CUBN: variants seen among roughly 807,000 people sequenced by gnomAD.
CUBN encodes the protein cubilin.
A neutral mutation model predicts 405.3 loss-of-function variants in CUBN; 282 were observed. That is an observed-to-expected ratio of 0.70 (90% confidence interval 0.63 to 0.77). The LOEUF (loss-of-function observed/expected upper bound fraction) is 0.77. Ranked by LOEUF, CUBN falls within the 30% of genes least tolerant of loss-of-function variation. The pLI is 0.00. For synonymous variants in CUBN, 1,684 were observed against 1,617.0 expected, an observed-to-expected ratio of 1.04 and a Z score of -0.99; for missense variants, 4,514 against 4,475.2, an observed-to-expected ratio of 1.01 and a Z score of -0.25.
intron 59 of CUBN, among the ~76,000 whole-genome samples, chr10:16,866,542 C>A (rs1225633129): frequency 2.0e-5 from 3 of 152,196 alleles, no homozygotes; most frequent in Non-Finnish European, 1.5e-5. Flanking sequence ...ATCCACAGAA[C>A]CAACAGCTTT....
chr10:16,893,745 C>T (rs1588626540), intron 54 of CUBN, among the ~76,000 whole-genome samples: 1 of 152,232 alleles, frequency 6.6e-6, no homozygotes, highest in East Asian at 1.9e-4. Context: ...GCAAGTACCA[C>T]AATTTGTTTA....
chr10:17,029,622 G>T (rs1225812900), intron 27 of CUBN, among the ~76,000 whole-genome samples: 1 of 152,180 alleles, frequency 6.6e-6, no homozygotes, highest in African/African-American at 2.4e-5. Flanking sequence ...ACTTAGAATT[G>T]TAATAGCTTA....
At chr10:16,935,587 C>T (rs546587020) in intron 39 of CUBN, among the ~76,000 whole-genome samples, 21 of 152,046 alleles carry the variant, frequency 1.4e-4, no homozygotes, top group Non-Finnish European at 1.0e-4. Flanking sequence ...ATAAGAAATG[C>T]TGATAGGACA....
chr10:16,946,856 A>C (rs534332415), intron 36 of CUBN, among the ~76,000 whole-genome samples: 2 of 152,274 alleles, frequency 1.3e-5, no homozygotes, highest in East Asian at 1.9e-4. Flanking sequence ...ATAAGATAAA[A>C]GCGTAAAGAA....
rs771627007 is a variant in CUBN at position 17,085,611 on chromosome 10, T to C, written c.2096A>G (p.Tyr699Cys). The C allele has an allele frequency of 2.9e-5, 47 of 1,614,062 alleles. No individual in the cohort carries two copies. Among genetic ancestry groups the C allele is most frequent in the Non-Finnish European group, 3.9e-5 (46 of 1,179,968 alleles). ...QISDQGFHIT[Y>C]LTSPSDLRCG... Reference sequence around the variant, plus strand: ...AGGTTACTTACAAGGTGATGTTAAGTAGGTGATATGGAAGCCTTGGTCACT... The same window carrying C: ...AGGTTACTTACAAGGTGATGTTAAGCAGGTGATATGGAAGCCTTGGTCACT... The change falls in exon 16 of 67, where the codon TAC (tyrosine) becomes TGC (cysteine). Residue 699 changes from tyrosine (Y) to cysteine (C), a missense_variant. Physicochemically the swap from Tyr to Cys is radical, Grantham distance 194 (BLOSUM62 -2). This residue lies in a region of CUBN where 1,448 missense variants were observed against 1,388.0 expected (regional missense o/e 1.04). Coordinates refer to ENST00000377833, the MANE Select transcript of CUBN (RefSeq NM_001081.4).
Position 17,071,923 on chromosome 10 carries a change from T to C in CUBN, c.2350A>G (p.Ile784Val), listed in dbSNP as rs906586096. The C allele has an allele frequency of 6.2e-7, 1 of 1,613,270 alleles. No homozygotes were observed. The highest frequency in any genetic ancestry group is 8.5e-7 in the Non-Finnish European group (1 of 1,179,654). Residue 784 changes from isoleucine (I) to valine (V), a missense_variant, in exon 18 of 67, where the codon ATC becomes GTC. Physicochemically the swap from Ile to Val is conservative, Grantham distance 29 (BLOSUM62 3). This residue lies in a region of CUBN where 1,448 missense variants were observed against 1,388.0 expected (regional missense o/e 1.04). Coordinates refer to ENST00000377833, the MANE Select transcript of CUBN (RefSeq NM_001081.4). ...LLGKVCGNGT[I>V]SHIKSITNSV... ...TTAGTAATGGATTTAATGTGAGAGA[T>C]GGTTCCGTTGCCACAGACTTTTCCA...
chr10:16,857,986 C>T (rs758819375), intron 59 of CUBN, among the ~76,000 whole-genome samples: 1 of 152,010 alleles, frequency 6.6e-6, no homozygotes, highest in Non-Finnish European at 1.5e-5. Flanking sequence ...GAACAATACA[C>T]AAAAATCAAT....
intron 5 of CUBN, chr10:17,123,350 C>T: frequency 1.7e-6 from 1 of 579,572 alleles, no homozygotes; most frequent in Non-Finnish European, 3.1e-6. Flanking sequence ...ATATTGTGTT[C>T]TTCCAGGCAG....
chr10:17,105,750 TTTC>T (rs1390906697), intron 10 of CUBN, among the ~76,000 whole-genome samples, 175 bp from the exon 11 acceptor site: 2 of 152,226 alleles, frequency 1.3e-5, no homozygotes, highest in African/African-American at 2.4e-5. Flanking sequence ...TATTTTTGTA[TTTC>T]TTATCTTAAA....
At chr10:16,970,117 T>C (rs1843510518) in intron 31 of CUBN, among the ~76,000 whole-genome samples, 1 of 152,210 alleles carries the variant, frequency 6.6e-6, no homozygotes. Context: ...AACAAGCACC[T>C]GGCAGTGTCT....
rs1588637731 is a variant in CUBN, at chr10:16,906,234, G to A, written c.7881C>T (p.Asp2627=). The change falls in exon 50 of 67, where the codon GAC becomes GAT. Residue 2627 remains aspartate, a synonymous_variant. Coordinates refer to ENST00000377833, the MANE Select transcript of CUBN (RefSeq NM_001081.4). ...FEDFYLESHQ[D]CQFDVLEFRV... is the part of the protein sequence containing the mutation. ...GAAACTCGAGGACATCAAATTGACAGTCTTGGTGACTTTCTAGGTAAAAAT... is the reference window on the plus strand; with the variant it reads ...GAAACTCGAGGACATCAAATTGACAATCTTGGTGACTTTCTAGGTAAAAAT... 6.2e-7 allele frequency: 1 copy of A among 1,613,988 alleles called. No homozygotes were observed.
At chr10:16,994,097 C>T (rs181444684) in intron 28 of CUBN, among the ~76,000 whole-genome samples, 45 of 152,238 alleles carry the variant, frequency 3.0e-4, no homozygotes, top group Non-Finnish European at 4.6e-4. Flanking sequence ...CAAACCTGCA[C>T]GTTGTAATTC....
rs901203812 is a variant in CUBN, at chr10:17,054,594, GA to G, written c.3140-6992del. On this transcript the variant is annotated intron_variant, in intron 22 of 66. Transcript: ENST00000377833. ...CTACCAAAACTGATCAAAGAAAAAAGAAAAAAAACACAAATTACCATTTTCA... is the reference window on the plus strand; with the variant it reads ...CTACCAAAACTGATCAAAGAAAAAAGAAAAAAACACAAATTACCATTTTCA... Among the ~76,000 whole-genome samples the G allele has an allele frequency of 3.3e-5, 5 of 150,926 alleles. No individual in the cohort carries two copies. The East Asian group carries it at 9.8e-4, about 29-fold the overall frequency.
chr10:16,904,180 T>G, intron 50 of CUBN, 65 bp from the exon 51 acceptor site: 2 of 1,484,464 alleles, frequency 1.3e-6, no homozygotes, highest in South Asian at 2.3e-5. Flanking sequence ...TTCAATGAAT[T>G]TGATAAAAAC....
chr10:16,985,944 T>G (rs2942357), intron 29 of CUBN, among the ~76,000 whole-genome samples: 128,127 of 152,212 alleles, frequency 0.84, 55,505 homozygotes, highest in Non-Finnish European at 0.96. Flanking sequence ...CAGGCAAGGA[T>G]AGCCTAGGCC....
intron 49 of CUBN, among the ~76,000 whole-genome samples, chr10:16,907,075 T>C (rs1461642360): frequency 6.6e-6 from 1 of 152,250 alleles, no homozygotes; most frequent in Non-Finnish European, 1.5e-5. Context: ...CTCCCATTTA[T>C]TTTCACTGGA....
chr10:16,848,297 T>C (rs1317405772), intron 60 of CUBN, among the ~76,000 whole-genome samples: 1 of 152,174 alleles, frequency 6.6e-6, no homozygotes, highest in Non-Finnish European at 1.5e-5. Flanking sequence ...GAATTTAAAA[T>C]TGTAATTTTA....
chr10:17,026,684 T>C (rs1834675366), intron 27 of CUBN, among the ~76,000 whole-genome samples: 1 of 151,778 alleles, frequency 6.6e-6, no homozygotes, highest in Admixed American at 6.6e-5. Flanking sequence ...GATACAGCGC[T>C]TCCATTGTGG....
intron 2 of CUBN, 41 bp downstream of exon 2, chr10:17,129,080 T>C (rs1263767187): frequency 5.9e-6 from 9 of 1,537,606 alleles, no homozygotes; most frequent in South Asian, 1.1e-5. Context: ...TCACCGTATA[T>C]GGATATACAA....
Sources: gnomAD v4.1 joint callset for allele counts (sites outside exome capture counted in the v4.1 genomes callset) on GRCh38, gnomAD v4.1.1 for gene constraint, gnomAD v4.1.1 regional missense constraint, MANE v1.5 for transcripts, NCBI Gene and HGNC (gene_info 2026-07-23, HGNC 2026-07-21) for gene names.